Variants in SRPX observed in about 807,000 individuals in gnomAD.
The protein encoded by SRPX is sushi repeat containing protein X-linked.
In SRPX, 24 loss-of-function variants were observed where a neutral mutation model predicts 38.1. The ratio of observed to expected loss-of-function variants is 0.63; its 90% CI spans 0.46 to 0.89. SRPX has a LOEUF of 0.89. Ranked by LOEUF, SRPX falls within the 40% of genes least tolerant of loss-of-function variation. SRPX has a pLI of 0.00. For missense variants in SRPX, 416 were observed against 377.8 expected (o/e 1.10, Z -0.84); for synonymous variants, 184 against 153.8 (o/e 1.20, Z -1.45).
At chrX:38,150,081 G>T (rs917778646) in intron 9 of SRPX, among the ~76,000 whole-genome samples, 187 bp from the exon 10 acceptor site, 1 of 111,575 alleles carries the variant, frequency 9.0e-6, no homozygotes, top group Non-Finnish European at 1.9e-5. Context: ...ATGAGAACTT[G>T]CTAGAAATGG....
intron 4 of SRPX, among the ~76,000 whole-genome samples, chrX:38,166,334 A>G (rs1300169661): frequency 8.9e-6 from 1 of 112,094 alleles, no homozygotes; most frequent in African/African-American, 3.2e-5. Flanking sequence ...TTTTCATTCT[A>G]TGTCGTGCTT....
intron 1 of SRPX, among the ~76,000 whole-genome samples, chrX:38,211,971 G>A (rs1248294664): frequency 8.9e-6 from 1 of 111,952 alleles, no homozygotes; most frequent in Non-Finnish European, 1.9e-5. Flanking sequence ...AAGATAAGAA[G>A]TCCCTGTGTC....
intron 3 of SRPX, 139 bp from the exon 4 acceptor site, chrX:38,172,196 G>A: frequency 1.6e-6 from 1 of 634,449 alleles, no homozygotes; most frequent in Non-Finnish European, 2.3e-6. Flanking sequence ...GCTCACTCCT[G>A]TAATCCCAGC....
Position 38,220,783 on chromosome X carries a change from G to A in SRPX, c.10C>T (p.Pro4Ser). The A allele has an allele frequency of 2.7e-6, 3 of 1,107,338 alleles. No individual in the cohort carries two copies. Among genetic ancestry groups the A allele is most frequent in the South Asian group, 2.2e-5 (1 of 45,318 alleles). 91.3% of individuals were successfully genotyped at this position (1,107,338 alleles called of 1,213,427 possible). A position where few individuals can be genotyped will look rare whatever the true frequency, so the allele number is the denominator to read the frequency against. Reference sequence around the variant, plus strand: ...AGCAGCAGCGCGGGCCGATGTGCGGGGCTCCCCATGGCGAGCGGGCGCTTA... The same window carrying A: ...AGCAGCAGCGCGGGCCGATGTGCGGAGCTCCCCATGGCGAGCGGGCGCTTA... MGS[P>S]AHRPALLLLL... Residue 4 changes from proline to serine, a missense_variant, in exon 1 of 10, where the codon CCC (proline) becomes TCC (serine). Pro to Ser is a moderately conservative substitution (Grantham distance 74, BLOSUM62 -1). Coordinates refer to ENST00000378533, the MANE Select transcript of SRPX (RefSeq NM_006307.5).
At chrX:38,157,270 CTT>C (rs1384228686) in intron 7 of SRPX, among the ~76,000 whole-genome samples, 5 of 111,677 alleles carry the variant, frequency 4.5e-5, no homozygotes, top group Admixed American at 2.8e-4. Context: ...ATAATACAAA[CTT>C]ATTCTTTTAG....
At chrX:38,191,561 CACACAT>C (rs1224877150) in intron 1 of SRPX, among the ~76,000 whole-genome samples, 2 of 111,250 alleles carry the variant, frequency 1.8e-5, no homozygotes, top group Admixed American at 1.9e-4. Context: ...CACACACACA[CACACAT>C]ATACCATATT....
chrX:38,185,664 T>C (rs1938762654), intron 1 of SRPX, among the ~76,000 whole-genome samples: 1 of 110,778 alleles, frequency 9.0e-6, no homozygotes, highest in Non-Finnish European at 1.9e-5. Context: ...ATTTGTAAGG[T>C]GGCTAATAGG....
intron 1 of SRPX, among the ~76,000 whole-genome samples, chrX:38,202,403 C>T (rs4827337): frequency 0.37 from 41,090 of 110,289 alleles, 5,955 homozygotes; most frequent in East Asian, 0.69. Flanking sequence ...GGGGAATTTA[C>T]AGCATCAGAT....
intron 1 of SRPX, among the ~76,000 whole-genome samples, chrX:38,213,299 CTG>C (rs1939366795): frequency 1.8e-5 from 2 of 111,938 alleles, no homozygotes; most frequent in African/African-American, 6.5e-5. Flanking sequence ...ATGCACAACT[CTG>C]TGAATATTCT....
intron 7 of SRPX, among the ~76,000 whole-genome samples, chrX:38,158,006 C>G (rs1471357935): frequency 8.9e-6 from 1 of 112,120 alleles, no homozygotes; most frequent in African/African-American, 3.2e-5. Flanking sequence ...ACAGACAGAC[C>G]CAGTTAATTG....
chrX:38,193,149 A>G (rs1300919185), intron 1 of SRPX, among the ~76,000 whole-genome samples: 1 of 110,761 alleles, frequency 9.0e-6, no homozygotes, highest in Non-Finnish European at 1.9e-5. Flanking sequence ...AACAGACACT[A>G]CCTCAGGCAC....
Position 38,177,303 on chromosome X carries a change from A to G in SRPX, c.157+982T>C, listed in dbSNP as rs184976928. On this transcript the variant is annotated intron_variant, in intron 2 of 9. Transcript: ENST00000378533. ...GAATGAGTATTTGCATTCAGATCTC[A>G]CAAAAAAATGTGGTATGTGATGGGA... Among the ~76,000 whole-genome samples the G allele has an allele frequency of 2.3e-4, 26 of 111,378 alleles. No individual in the cohort carries two copies. In the East Asian group the frequency reaches 7.0e-3, roughly 30 times the overall value.
At chrX:38,219,139 C>A (rs1179857002) in intron 1 of SRPX, among the ~76,000 whole-genome samples, 1 of 110,441 alleles carries the variant, frequency 9.1e-6, no homozygotes, top group Non-Finnish European at 1.9e-5. Context: ...GCCCTGGTAG[C>A]AAGCTGTACT....
intron 1 of SRPX, among the ~76,000 whole-genome samples, chrX:38,187,870 C>A (rs940899001): frequency 8.9e-6 from 1 of 112,392 alleles, no homozygotes; most frequent in South Asian, 3.7e-4. Flanking sequence ...GTTCCGTATG[C>A]CTGACTAGCA....
At chrX:38,162,857 T>C (rs1473105191) in intron 5 of SRPX, among the ~76,000 whole-genome samples, 35 of 112,655 alleles carry the variant, frequency 3.1e-4, no homozygotes, top group Non-Finnish European at 5.6e-5. Flanking sequence ...CCTAACCATA[T>C]TACGCAAGTT....
At chrX:38,159,802 G>T (rs753489681) in intron 7 of SRPX, among the ~76,000 whole-genome samples, 2 of 112,468 alleles carry the variant, frequency 1.8e-5, no homozygotes, top group South Asian at 7.4e-4. Context: ...CTTCCTTAGA[G>T]GACATGAAAA....
intron 2 of SRPX, among the ~76,000 whole-genome samples, chrX:38,174,705 C>T (rs1325513887): frequency 1.8e-5 from 2 of 111,933 alleles, no homozygotes; most frequent in African/African-American, 3.2e-5. Flanking sequence ...TCAATAAATG[C>T]TTGTTCTTTT....
At chrX:38,211,570 C>T (rs181432205) in intron 1 of SRPX, among the ~76,000 whole-genome samples, 3 of 110,911 alleles carry the variant, frequency 2.7e-5, no homozygotes, top group East Asian at 2.8e-4. Context: ...TGTGGTGGTA[C>T]GCGCCTGTAA....
At chrX:38,210,711 C>G (rs1601873952) in intron 1 of SRPX, among the ~76,000 whole-genome samples, 1 of 112,405 alleles carries the variant, frequency 8.9e-6, no homozygotes, top group East Asian at 2.8e-4. Context: ...AGGAGGCTAC[C>G]AAGCCTCAAA....
Sources: gnomAD v4.1 joint callset for allele counts (sites outside exome capture counted in the v4.1 genomes callset) on GRCh38, gnomAD v4.1.1 for gene constraint, MANE v1.5 for transcripts, NCBI Gene and HGNC (gene_info 2026-07-23, HGNC 2026-07-21) for gene names.